PRIM2: variants seen among roughly 807,000 people sequenced by gnomAD.
PRIM2 encodes the protein DNA primase subunit 2.
In PRIM2, 39 loss-of-function variants were observed where a neutral mutation model predicts 67.3. The observed-to-expected ratio is 0.58, with a 90% confidence interval of 0.45 to 0.76. The LOEUF (loss-of-function observed/expected upper bound fraction) is 0.76, where lower values mean the gene tolerates loss of function less well. Among genes scored for constraint, PRIM2 ranks in the 30% least tolerant of loss-of-function variants. PRIM2 has a pLI of 0.00. For synonymous variants in PRIM2, 143 were observed against 198.7 expected, an observed-to-expected ratio of 0.72 and a Z score of 2.36; for missense variants, 398 against 598.7, an observed-to-expected ratio of 0.66 and a Z score of 3.50.
intron 5 of PRIM2, among the ~76,000 whole-genome samples, chr6:57,356,180 A>G (rs1769024157): frequency 6.6e-6 from 1 of 152,126 alleles, no homozygotes; most frequent in African/African-American, 2.4e-5. Context: ...TGGTGCTGTA[A>G]CACCTGTAGT....
intron 5 of PRIM2, among the ~76,000 whole-genome samples, chr6:57,355,017 T>TG (rs1768980269): frequency 1.3e-5 from 2 of 152,264 alleles, no homozygotes; most frequent in South Asian, 4.1e-4. Context: ...GGTCAGAACA[T>TG]ATCGGGCTGG....
intron 7 of PRIM2, among the ~76,000 whole-genome samples, chr6:57,471,989 T>C (rs1325249872): frequency 1.6e-4 from 25 of 152,212 alleles, no homozygotes; most frequent in African/African-American, 5.8e-4. Flanking sequence ...ATACGCGGTT[T>C]TTTTTTGAGA....
chr6:57,313,797 C>T (rs575089906), upstream of PRIM2, among the ~76,000 whole-genome samples: 4 of 152,332 alleles, frequency 2.6e-5, no homozygotes, highest in East Asian at 1.9e-4. Context: ...AAGCTTACCA[C>T]GCCTTTGGTT....
chr6:57,379,446 A>G (rs1769881045), intron 5 of PRIM2, among the ~76,000 whole-genome samples: 2 of 151,894 alleles, frequency 1.3e-5, no homozygotes, highest in African/African-American at 4.8e-5. Flanking sequence ...TTGTTCCTAG[A>G]AAAACTAGTG....
At chr6:57,282,265 T>C in the PRIM2 span, among the ~76,000 whole-genome samples, 1 of 152,256 alleles carries the variant, frequency 6.6e-6, no homozygotes, top group South Asian at 2.1e-4. Flanking sequence ...GTACTGATCA[T>C]AGCACCTTAC....
chr6:57,275,995 C>G, the PRIM2 span, among the ~76,000 whole-genome samples: 1 of 152,150 alleles, frequency 6.6e-6, no homozygotes, highest in Non-Finnish European at 1.5e-5. Flanking sequence ...AACTGGAGCT[C>G]CATGTTTCCA....
intron 11 of PRIM2, 143 bp from the exon 12 acceptor site, chr6:57,606,232 G>A (rs1776559039): frequency 1.6e-6 from 1 of 644,908 alleles, no homozygotes; most frequent in South Asian, 1.9e-5. Context: ...GAGGAAAGCA[G>A]TTGCACCCAT....
chr6:57,522,933 A>T (rs1330840786), intron 8 of PRIM2, among the ~76,000 whole-genome samples: 4 of 152,344 alleles, frequency 2.6e-5, no homozygotes, highest in African/African-American at 7.2e-5. Flanking sequence ...ATAATGATAG[A>T]CTCACAAAAT....
At chr6:57,500,018 T>TACA (rs1554346710) in intron 7 of PRIM2, among the ~76,000 whole-genome samples, 60,526 of 151,760 alleles carry the variant, frequency 0.4, 12,518 homozygotes, top group African/African-American at 0.53. Flanking sequence ...AAATGAAACT[T>TACA]ACAATTTTCC....
rs1259184109 is a variant in PRIM2 at position 57,397,980 on chromosome 6, A to T, written c.693+15812A>T. On this transcript the variant is annotated intron_variant, in intron 7 of 13. Coordinates refer to ENST00000615550, the MANE Select transcript of PRIM2 (RefSeq NM_000947.5). ...CTTTCTTTCTTTCTTTTTTTTTTTG[A>T]GACGGAGTCTTGCTCTTGTTCCAGG... is the stretch of plus-strand genomic sequence containing the variant. Among the ~76,000 whole-genome samples, 110 of 114,566 alleles carry T rather than the reference A, an allele frequency of 9.6e-4. 1 individual carries two copies. The highest frequency in any genetic ancestry group is 1.7e-3 in the Non-Finnish European group (102 of 60,100). The allele number at this position is 114,566 out of a possible 152,430, so 75.2% of individuals were successfully genotyped here.
At chr6:57,308,033 AT>A in the PRIM2 span, among the ~76,000 whole-genome samples, 1 of 152,180 alleles carries the variant, frequency 6.6e-6, no homozygotes, top group South Asian at 2.1e-4. Context: ...CCATGTCGAT[AT>A]GCTTACTGTA....
chr6:57,413,347 A>G (rs1211358800), intron 7 of PRIM2, among the ~76,000 whole-genome samples: 2 of 151,946 alleles, frequency 1.3e-5, no homozygotes, highest in Non-Finnish European at 2.9e-5. Context: ...AACTTGGTAT[A>G]TAACTTTTCC....
At chr6:57,507,292 C>T (rs1554347288) in intron 7 of PRIM2, 95 bp from the exon 8 acceptor site, 62 of 810,638 alleles carry the variant, frequency 7.6e-5, no homozygotes, top group Non-Finnish European at 1.1e-4. Context: ...AGTATTGCCT[C>T]CCTATCTGCC....
At chr6:57,438,900 G>A (rs1037799148) in intron 7 of PRIM2, among the ~76,000 whole-genome samples, 3 of 152,010 alleles carry the variant, frequency 2.0e-5, no homozygotes, top group Non-Finnish European at 4.4e-5. Context: ...AGCCTCCCGA[G>A]TAGCGGCCAT....
At chr6:57,487,986 T>A (rs1773792981) in intron 7 of PRIM2, among the ~76,000 whole-genome samples, 1 of 152,206 alleles carries the variant, frequency 6.6e-6, no homozygotes, top group Non-Finnish European at 1.5e-5. Context: ...TTACAGTAGC[T>A]GTGTAAAATT....
At chr6:57,555,081 T>C (rs1436842071) in intron 10 of PRIM2, among the ~76,000 whole-genome samples, 2 of 152,228 alleles carry the variant, frequency 1.3e-5, no homozygotes, top group African/African-American at 4.8e-5. Context: ...ATTTTGTTGA[T>C]AGAGACAAAT....
chr6:57,586,489 T>G (rs1340764601), intron 10 of PRIM2, among the ~76,000 whole-genome samples: 3 of 152,176 alleles, frequency 2.0e-5, no homozygotes. Context: ...GACAAATACT[T>G]GTTCCCAGAA....
chr6:57,523,427 CTG>C (rs1774672103), intron 8 of PRIM2, among the ~76,000 whole-genome samples: 2 of 152,244 alleles, frequency 1.3e-5, no homozygotes. Context: ...CTTGGGCAAA[CTG>C]GACTTGGAGA....
chr6:57,457,638 G>C (rs1293441340), intron 7 of PRIM2, among the ~76,000 whole-genome samples: 1 of 152,160 alleles, frequency 6.6e-6, no homozygotes, highest in Non-Finnish European at 1.5e-5. Flanking sequence ...CGTTGTAAAA[G>C]TGCAGTATTG....
Sources: allele counts gnomAD v4.1 joint callset (sites outside exome capture counted in the v4.1 genomes callset), GRCh38; gene constraint gnomAD v4.1.1; transcripts MANE v1.5; gene names NCBI Gene and HGNC (gene_info 2026-07-23, HGNC 2026-07-21).